Variants in GLI3 observed in about 807,000 individuals in gnomAD.
GLI3 encodes GLI family zinc finger 3.
In GLI3, 20 loss-of-function variants were observed where a neutral mutation model predicts 100.8. That is an observed-to-expected ratio of 0.20 (90% confidence interval 0.14 to 0.29). The LOEUF is 0.29. Among genes scored for constraint, GLI3 ranks in the 10% least tolerant of loss-of-function variants. GLI3 has a pLI of 1.00. For synonymous variants in GLI3, 938 were observed against 860.5 expected, an observed-to-expected ratio of 1.09 and a Z score of -1.58; for missense variants, 2,040 against 2,128.5, an observed-to-expected ratio of 0.96 and a Z score of 0.82.
At chr7:42,103,227 G>T (rs996340776) in intron 3 of GLI3, among the ~76,000 whole-genome samples, 1 of 152,146 alleles carries the variant, frequency 6.6e-6, no homozygotes, top group African/African-American at 2.4e-5. Context: ...AAGAGGGAGG[G>T]CAAGAGAGCC....
intron 1 of GLI3, among the ~76,000 whole-genome samples, chr7:42,252,052 A>G (rs1789038550): frequency 6.6e-6 from 1 of 152,208 alleles, no homozygotes; most frequent in South Asian, 2.1e-4. Context: ...ACAAATGCAC[A>G]CTGCAGCACT....
At chr7:42,039,935 T>C in intron 7 of GLI3, 103 bp downstream of exon 7, 1 of 883,034 alleles carries the variant, frequency 1.1e-6, no homozygotes, top group Non-Finnish European at 1.9e-6. Context: ...GCACTTTTAT[T>C]CTTCCTCATA....
rs1562775767 is a variant in GLI3, at chr7:42,182,662, A to ATATATATATATATATATACATGTGTG, written c.125-34195_125-34194insCACACATGTATATATATATATATATA. On this transcript the variant is annotated intron_variant, in intron 2 of 14. Transcript: ENST00000395925. Reference sequence around the variant, plus strand: ...TGTGTGTGTATATATATATATATATATATATATATATATATATATACACAT... The same window carrying ATATATATATATATATATACATGTGTG: ...TGTGTGTGTATATATATATATATATATATATATATATATATATACATGTGTGTATATATATATATATATATACACAT... 1.5e-3 allele frequency among the ~76,000 whole-genome samples: 114 copies of ATATATATATATATATATACATGTGTG among 76,664 alleles called. 5 individuals are homozygous for ATATATATATATATATATACATGTGTG. The highest frequency in any genetic ancestry group is 7.4e-3 in the African/African-American group (110 of 14,922). The allele number at this position is 76,664 out of a possible 152,430, so 50.3% of individuals were successfully genotyped here.
At chr7:42,101,029 T>C (rs1785449518) in intron 3 of GLI3, among the ~76,000 whole-genome samples, 1 of 152,186 alleles carries the variant, frequency 6.6e-6, no homozygotes, top group Non-Finnish European at 1.5e-5. Flanking sequence ...CATACACACC[T>C]GGGTTTCCTT....
intron 10 of GLI3, among the ~76,000 whole-genome samples, chr7:42,008,251 G>A (rs1161582176): frequency 1.3e-5 from 2 of 152,092 alleles, no homozygotes; most frequent in South Asian, 2.1e-4. Flanking sequence ...AGGACAATTC[G>A]GTTTTCCTTA....
chr7:42,225,665 A>G (rs1239248425), intron 1 of GLI3, among the ~76,000 whole-genome samples: 1 of 152,194 alleles, frequency 6.6e-6, no homozygotes, highest in Non-Finnish European at 1.5e-5. Context: ...ACTGTTCTAC[A>G]CGTTTATTTT....
At chr7:41,967,112 C>T (rs1466171540) in intron 14 of GLI3, among the ~76,000 whole-genome samples, 3 of 152,228 alleles carry the variant, frequency 2.0e-5, no homozygotes, top group Non-Finnish European at 4.4e-5. Flanking sequence ...CAACAGGTAA[C>T]ACCTGTGTTG....
intron 1 of GLI3, among the ~76,000 whole-genome samples, chr7:42,251,815 G>A (rs973380822): frequency 2.0e-5 from 3 of 152,040 alleles, no homozygotes; most frequent in African/African-American, 7.2e-5. Context: ...TGGCTCCAGA[G>A]CCTCCACTCT....
At chr7:42,020,880 A>C in intron 10 of GLI3, among the ~76,000 whole-genome samples, 2 of 125,242 alleles carry the variant, frequency 1.6e-5, no homozygotes, top group African/African-American at 3.2e-5. Context: ...ACAGAGCGAG[A>C]CTCCGTCTCA....
At chr7:42,023,309 TGGCTCC>T (rs1355303258) in intron 10 of GLI3, among the ~76,000 whole-genome samples, 153 bp downstream of exon 10, 1 of 152,234 alleles carries the variant, frequency 6.6e-6, no homozygotes, top group African/African-American at 2.4e-5. Context: ...TCAAGCACCG[TGGCTCC>T]GAGTTTTCTT....
At chr7:41,969,665 T>TG (rs1787316373) in intron 13 of GLI3, among the ~76,000 whole-genome samples, 1 of 152,224 alleles carries the variant, frequency 6.6e-6, no homozygotes. Flanking sequence ...GACTGTCAAA[T>TG]CAGAGTGTGT....
intron 2 of GLI3, among the ~76,000 whole-genome samples, chr7:42,217,588 A>T (rs1195501259): frequency 2.6e-5 from 4 of 152,372 alleles, no homozygotes; most frequent in Non-Finnish European, 5.9e-5. Flanking sequence ...GAGGAAACTG[A>T]AATAAATTTT....
At chr7:42,095,382 G>A (rs1785316798) in intron 3 of GLI3, among the ~76,000 whole-genome samples, 1 of 152,240 alleles carries the variant, frequency 6.6e-6, no homozygotes, top group Admixed American at 6.5e-5. Context: ...GGAAGGCTCA[G>A]CAGGAGACTG....
intron 10 of GLI3, among the ~76,000 whole-genome samples, chr7:41,986,244 T>C (rs1371703508): frequency 6.6e-6 from 1 of 152,224 alleles, no homozygotes; most frequent in Non-Finnish European, 1.5e-5. Context: ...CTGGCTGTTA[T>C]TTGAATCCTG....
intron 4 of GLI3, among the ~76,000 whole-genome samples, chr7:42,071,787 CG>C (rs1554322094): frequency 3.9e-5 from 6 of 152,142 alleles, no homozygotes; most frequent in Non-Finnish European, 8.8e-5. Context: ...GCCATAATTA[CG>C]GGGGCGAGGC....
intron 2 of GLI3, among the ~76,000 whole-genome samples, chr7:42,149,003 C>T (rs1476223558): frequency 1.3e-5 from 2 of 152,166 alleles, no homozygotes; most frequent in Non-Finnish European, 2.9e-5. Context: ...AAAGTTTATG[C>T]TGTTTTGTTG....
chr7:42,147,038 CT>C (rs1205666483), intron 3 of GLI3, among the ~76,000 whole-genome samples: 2 of 152,056 alleles, frequency 1.3e-5, no homozygotes, highest in African/African-American at 4.8e-5. Context: ...CTTCTGACCA[CT>C]TTTTAAAAAA....
chr7:42,183,214 A>G (rs181453909), intron 2 of GLI3, among the ~76,000 whole-genome samples: 1 of 151,886 alleles, frequency 6.6e-6, no homozygotes, highest in African/African-American at 2.4e-5. Flanking sequence ...ACAGAATGAG[A>G]CTCTGTCTCA....
chr7:42,086,147 T>C (rs1785097141), intron 3 of GLI3, among the ~76,000 whole-genome samples: 1 of 152,232 alleles, frequency 6.6e-6, no homozygotes, highest in African/African-American at 2.4e-5. Flanking sequence ...TGCAAGTCAC[T>C]GAATACTTTA....
Sources: gnomAD v4.1 joint callset for allele counts (sites outside exome capture counted in the v4.1 genomes callset) on GRCh38, gnomAD v4.1.1 for gene constraint, MANE v1.5 for transcripts, NCBI Gene and HGNC (gene_info 2026-07-23, HGNC 2026-07-21) for gene names.